The following TMEM266 variants were observed in gnomAD, a reference collection of about 807,000 sequenced individuals.
TMEM266 encodes the protein Hv1 related protein 1.
In TMEM266, 33 loss-of-function variants were observed where a neutral mutation model predicts 50.5. That is an observed-to-expected ratio of 0.65 (90% CI 0.50 to 0.87). TMEM266 has a LOEUF of 0.87. TMEM266 is among the 40% of genes least tolerant of loss of function. The pLI, the probability that TMEM266 is intolerant of heterozygous loss-of-function variation, is 0.00. For synonymous variants in TMEM266, 310 were observed against 292.3 expected (o/e 1.06, Z -0.62); for missense variants, 655 against 695.1 (o/e 0.94, Z 0.65).
chr15:76,103,509 G>C (rs1013998816), intron 1 of TMEM266, among the ~76,000 whole-genome samples: 3 of 152,148 alleles, frequency 2.0e-5, no homozygotes, highest in Non-Finnish European at 4.4e-5. Context: ...TCGAGTTATT[G>C]TTTACTAAGA....
intron 1 of TMEM266, among the ~76,000 whole-genome samples, chr15:76,081,714 C>T (rs2935989): frequency 0.82 from 124,447 of 152,146 alleles, 51,015 homozygotes; most frequent in Admixed American, 0.86. Context: ...TTGTGAAAAT[C>T]TGGTAGATGG....
At chr15:76,149,355 A>T (rs974674018) in intron 3 of TMEM266, among the ~76,000 whole-genome samples, 2 of 152,156 alleles carry the variant, frequency 1.3e-5, no homozygotes, top group African/African-American at 4.8e-5. Flanking sequence ...ATAAGGCTGT[A>T]GGCTCCGTGA....
chr15:76,193,011 C>T (rs957980651), intron 9 of TMEM266, among the ~76,000 whole-genome samples: 3 of 152,194 alleles, frequency 2.0e-5, no homozygotes, highest in African/African-American at 7.2e-5. Context: ...GCAGTGAGGA[C>T]GCAGCCGGGC....
chr15:76,147,372 G>A (rs1024088948), intron 3 of TMEM266, among the ~76,000 whole-genome samples: 2 of 152,216 alleles, frequency 1.3e-5, no homozygotes, highest in Admixed American at 1.3e-4. Context: ...TCCCTGCCAT[G>A]GCCATGCAAC....
At chr15:76,085,748 AT>A (rs2036767247) in intron 1 of TMEM266, among the ~76,000 whole-genome samples, 1 of 152,210 alleles carries the variant, frequency 6.6e-6, no homozygotes, top group Non-Finnish European at 1.5e-5. Flanking sequence ...CAAAAAAGAC[AT>A]ACAAAAATGT....
In TMEM266 at chr15:76,148,658, C is replaced by A. The variant is rs535567785; in HGVS notation, c.228-7946C>A. 2.6e-5 allele frequency among the ~76,000 whole-genome samples: 4 copies of A among 152,302 alleles called. No homozygotes were observed. The South Asian group carries it at 8.3e-4, about 32-fold the overall frequency. On this transcript the variant is annotated intron_variant, in intron 3 of 10. Transcript: ENST00000388942. ...TCCCCCCAAGAAGGGACAGCCAATCCATGGTGTGTGTTGGCCACTGTGCCC... is the reference window on the plus strand; with the variant it reads ...TCCCCCCAAGAAGGGACAGCCAATCAATGGTGTGTGTTGGCCACTGTGCCC...
Position 76,160,024 on chromosome 15 carries a change from G to A in TMEM266, c.383-71G>A. 6.9e-7 allele frequency: 1 copy of A among 1,456,930 alleles called. No individual in the cohort carries two copies. Among genetic ancestry groups the A allele is most frequent in the East Asian group, 2.3e-5 (1 of 43,994 alleles). 90.3% of individuals were successfully genotyped at this position (1,456,930 alleles called of 1,614,324 possible). On this transcript the variant is annotated intron_variant, in intron 4 of 10. Coordinates refer to ENST00000388942, the MANE Select transcript of TMEM266 (RefSeq NM_152335.3). The surrounding 1 kb of genome is among the most constrained non-coding windows in gnomAD (Gnocchi z 5.7). ...CGGGGTCCCAGAGGTCTGGACGGAT[G>A]CTGCGAAGCCCCCATAGCAACGCAC...
intron 7 of TMEM266, among the ~76,000 whole-genome samples, chr15:76,172,319 G>A (rs1596150808): frequency 6.6e-6 from 1 of 152,202 alleles, no homozygotes; most frequent in African/African-American, 2.4e-5. Flanking sequence ...GCCCTCTGAG[G>A]CACCTCTAAG....
chr15:76,198,591 G>A (rs1291305112), intron 9 of TMEM266, among the ~76,000 whole-genome samples: 1 of 152,248 alleles, frequency 6.6e-6, no homozygotes, highest in Non-Finnish European at 1.5e-5. Flanking sequence ...GAGTAGGGGT[G>A]GAGGCTGGGA....
chr15:76,126,689 C>T (rs549206490), intron 1 of TMEM266, among the ~76,000 whole-genome samples: 14 of 151,862 alleles, frequency 9.2e-5, no homozygotes, highest in South Asian at 2.1e-4. Flanking sequence ...CCACCATGCC[C>T]GGCTAATTTT....
rs541725895 is a variant in TMEM266 at position 76,075,784 on chromosome 15, T to G, written c.-97+15768T>G. On this transcript the variant is annotated intron_variant, in intron 1 of 10. Coordinates refer to ENST00000388942, the MANE Select transcript of TMEM266 (RefSeq NM_152335.3). ...ATACATTTTTAAATTGGGGCTGTAT[T>G]TTAGCTACACAAATTATTCACCAAA... Among the ~76,000 whole-genome samples, 3 of 151,454 alleles carry G rather than the reference T, an allele frequency of 2.0e-5. 1 individual carries two copies. Among genetic ancestry groups the G allele is most frequent in the African/African-American group, 7.3e-5 (3 of 41,128 alleles).
chr15:76,159,190 C>T (rs528434681), intron 4 of TMEM266, among the ~76,000 whole-genome samples: 8 of 152,196 alleles, frequency 5.3e-5, no homozygotes, highest in Non-Finnish European at 1.2e-4. Context: ...AGCCCTCTAC[C>T]CTCTGGGGCA....
rs1254630524 is a variant in TMEM266 at position 76,170,985 on chromosome 15, T to C, written c.514-8T>C. Reference sequence around the variant, plus strand: ...GCCCAGGGCACTGAAATGGGCCTCCTCTCACAGGTGTTTGACGGGGCTGTG... The same window carrying C: ...GCCCAGGGCACTGAAATGGGCCTCCCCTCACAGGTGTTTGACGGGGCTGTG... On this transcript the variant is annotated splice_polypyrimidine_tract_variant and splice_region_variant and intron_variant, in intron 6 of 10. Transcript: ENST00000388942. The C allele has an allele frequency of 4.3e-6, 7 of 1,610,632 alleles. 1 individual carries two copies. Among genetic ancestry groups the C allele is most frequent in the Non-Finnish European group, 4.2e-6 (5 of 1,178,688 alleles).
rs11856517 is a variant in TMEM266, at chr15:76,127,419, C to T, written c.-96-6749C>T. 8.4e-3 allele frequency among the ~76,000 whole-genome samples: 1,271 copies of T among 151,878 alleles called. 16 individuals are homozygous for T. The highest frequency in any genetic ancestry group is 0.03 in the African/African-American group (1,227 of 41,380). ...ATAGCTCACTGCAGCCTCAAACTCC[C>T]GGTCTCAAGCAATTCTCCCACTTGA... On this transcript the variant is annotated intron_variant, in intron 1 of 10. Coordinates refer to ENST00000388942, the MANE Select transcript of TMEM266 (RefSeq NM_152335.3).
chr15:76,171,182 G>A, intron 7 of TMEM266, 51 bp downstream of exon 7: 1 of 1,598,132 alleles, frequency 6.3e-7, no homozygotes, highest in Non-Finnish European at 8.5e-7. Context: ...AGAAAGTGGG[G>A]CTTTCAACTG....
intron 1 of TMEM266, among the ~76,000 whole-genome samples, chr15:76,120,725 C>T (rs1262916081): frequency 1.4e-5 from 2 of 138,054 alleles, no homozygotes; most frequent in African/African-American, 5.6e-5. Context: ...CATGCCGCTG[C>T]ACTCCAGCCT....
At chr15:76,081,286 G>A (rs1467215719) in intron 1 of TMEM266, among the ~76,000 whole-genome samples, 1 of 152,142 alleles carries the variant, frequency 6.6e-6, no homozygotes, top group Non-Finnish European at 1.5e-5. Context: ...GATGCACTCT[G>A]GTATTCCTTT....
At chr15:76,097,540 A>G (rs1323327900) in intron 1 of TMEM266, among the ~76,000 whole-genome samples, 1 of 151,170 alleles carries the variant, frequency 6.6e-6, no homozygotes, top group Non-Finnish European at 1.5e-5. Context: ...TTTTTCCTTC[A>G]TTTCAACCTT....
intron 1 of TMEM266, among the ~76,000 whole-genome samples, chr15:76,089,256 G>A (rs995648912): frequency 6.1e-5 from 6 of 97,568 alleles, no homozygotes; most frequent in South Asian, 4.6e-4. Context: ...GTGCAGTGGC[G>A]TAATCTCGGC....
Sources: gnomAD v4.1 joint callset for allele counts (sites outside exome capture counted in the v4.1 genomes callset) on GRCh38, gnomAD v4.1.1 for gene constraint, Gnocchi (gnomAD v3.1) non-coding constraint, MANE v1.5 for transcripts, NCBI Gene and HGNC (gene_info 2026-07-23, HGNC 2026-07-21) for gene names.